PALM2AKAP2: variants seen among roughly 807,000 people sequenced by gnomAD.
PALM2AKAP2 encodes PALM2 and AKAP2 fusion, also known as PALM2-AKAP2 fusion protein.
PALM2AKAP2 carries 37 observed loss-of-function variants against 71.5 expected under a neutral mutation model. The ratio of observed to expected loss-of-function variants is 0.52; its 90% CI spans 0.40 to 0.68. The LOEUF (loss-of-function observed/expected upper bound fraction) is 0.68, where lower values mean the gene tolerates loss of function less well. Ranked by LOEUF, PALM2AKAP2 falls within the 30% of genes least tolerant of loss-of-function variation. PALM2AKAP2 has a pLI of 0.00. For synonymous variants in PALM2AKAP2, 468 were observed against 478.8 expected (o/e 0.98, Z 0.29); for missense variants, 1,224 against 1,191.8 (o/e 1.03, Z -0.40).
At chr9:109,980,959 T>A (rs1382832763) in intron 6 of PALM2AKAP2, among the ~76,000 whole-genome samples, 1 of 152,152 alleles carries the variant, frequency 6.6e-6, no homozygotes, top group East Asian at 1.9e-4. Context: ...CCCAGCTTCG[T>A]GGTTTGTGCC....
At chr9:110,128,615 G>A (rs925881072) in intron 1 of PALM2AKAP2, among the ~76,000 whole-genome samples, 1 of 152,236 alleles carries the variant, frequency 6.6e-6, no homozygotes, top group Non-Finnish European at 1.5e-5. Flanking sequence ...AAACCTGGTT[G>A]TACAGCCTGA....
intron 1 of PALM2AKAP2, among the ~76,000 whole-genome samples, chr9:109,693,171 G>GTTAT (rs955677669): frequency 4.0e-5 from 6 of 151,738 alleles, no homozygotes; most frequent in African/African-American, 1.2e-4. Context: ...AGGCCTATAG[G>GTTAT]TTATTTATTT....
chr9:109,990,421 T>G (rs1832456647), intron 6 of PALM2AKAP2, among the ~76,000 whole-genome samples: 2 of 152,196 alleles, frequency 1.3e-5, no homozygotes, highest in African/African-American at 4.8e-5. Context: ...CAGGCTGCAC[T>G]TCAGTGTGTC....
At chr9:109,657,780 C>T (rs1337949400) in intron 1 of PALM2AKAP2, among the ~76,000 whole-genome samples, 1 of 152,096 alleles carries the variant, frequency 6.6e-6, no homozygotes, top group African/African-American at 2.4e-5. Flanking sequence ...AGAACCTAAG[C>T]TCTCCCTGCT....
At chr9:109,837,495 A>G (rs1425418316) in intron 1 of PALM2AKAP2, among the ~76,000 whole-genome samples, 8 of 152,230 alleles carry the variant, frequency 5.3e-5, no homozygotes, top group Non-Finnish European at 1.0e-4. Flanking sequence ...ACCAGCTAAC[A>G]TCATAATGAC....
intron 6 of PALM2AKAP2, among the ~76,000 whole-genome samples, chr9:109,964,665 T>C (rs1357667585): frequency 6.6e-6 from 1 of 152,204 alleles, no homozygotes; most frequent in African/African-American, 2.4e-5. Flanking sequence ...CACCATCATA[T>C]TGAGCTCTTA....
intron 1 of PALM2AKAP2, among the ~76,000 whole-genome samples, chr9:109,667,928 GTTTTTTTTTT>G (rs1213195298): frequency 1.8e-5 from 1 of 56,614 alleles, no homozygotes; most frequent in Admixed American, 1.4e-4. Context: ...GATGGCTTTG[GTTTTTTTTTT>G]TTTTTTTTTT....
intron 2 of PALM2AKAP2, among the ~76,000 whole-genome samples, chr9:110,153,416 A>G (rs545651753): frequency 6.6e-6 from 1 of 152,312 alleles, no homozygotes; most frequent in African/African-American, 2.4e-5. Flanking sequence ...AAATGACATG[A>G]AGCCTACAAA....
intron 1 of PALM2AKAP2, among the ~76,000 whole-genome samples, chr9:109,685,949 C>A (rs1276370550): frequency 3.3e-5 from 5 of 152,052 alleles, no homozygotes; most frequent in Non-Finnish European, 7.4e-5. Flanking sequence ...ATTCTAAATC[C>A]TTTCTGTGAT....
At chr9:109,774,715 T>C (rs1829325102) in intron 1 of PALM2AKAP2, among the ~76,000 whole-genome samples, 1 of 151,964 alleles carries the variant, frequency 6.6e-6, no homozygotes, top group Non-Finnish European at 1.5e-5. Context: ...GTCATTCACT[T>C]AAGTTGGTCC....
intron 1 of PALM2AKAP2, among the ~76,000 whole-genome samples, chr9:109,718,597 T>C (rs1712977250): frequency 6.6e-6 from 1 of 152,136 alleles, no homozygotes; most frequent in African/African-American, 2.4e-5. Context: ...TTTGGAGTAA[T>C]ACTAGATTTG....
chr9:109,669,963 G>A (rs1450280019), intron 1 of PALM2AKAP2, among the ~76,000 whole-genome samples: 1 of 148,670 alleles, frequency 6.7e-6, no homozygotes, highest in Non-Finnish European at 1.5e-5. Context: ...TTTTTCTTTA[G>A]CTAGCATCTT....
chr9:109,898,263 G>A (rs1028451433), intron 3 of PALM2AKAP2, among the ~76,000 whole-genome samples: 1 of 152,304 alleles, frequency 6.6e-6, no homozygotes, highest in East Asian at 1.9e-4. Flanking sequence ...CAACATCAAG[G>A]TCAAGCTCCC....
chr9:110,105,092 C>A (rs1835084487), intron 1 of PALM2AKAP2, among the ~76,000 whole-genome samples: 1 of 152,182 alleles, frequency 6.6e-6, no homozygotes, highest in South Asian at 2.1e-4. Flanking sequence ...GAGGCTAGAA[C>A]CCCTTTCTAG....
At chr9:109,663,166 G>A (rs1428913544) in intron 1 of PALM2AKAP2, among the ~76,000 whole-genome samples, 1 of 152,054 alleles carries the variant, frequency 6.6e-6, no homozygotes, top group Non-Finnish European at 1.5e-5. Context: ...TTTTTTGAAA[G>A]GTTTTTTGTG....
intron 3 of PALM2AKAP2, among the ~76,000 whole-genome samples, chr9:109,888,773 C>CAG (rs1323585707): frequency 6.7e-6 from 1 of 149,190 alleles, no homozygotes; most frequent in Admixed American, 6.7e-5. Flanking sequence ...CATCCCCCTA[C>CAG]AGCAGAGTTT....
chr9:110,129,473 A>G (rs1355273373), intron 1 of PALM2AKAP2, among the ~76,000 whole-genome samples: 2 of 152,258 alleles, frequency 1.3e-5, no homozygotes, highest in Non-Finnish European at 2.9e-5. Context: ...CTTACTAGGC[A>G]GGTGATCTTG....
intron 1 of PALM2AKAP2, among the ~76,000 whole-genome samples, chr9:109,783,909 C>A (rs982783855): frequency 6.6e-6 from 1 of 152,224 alleles, no homozygotes; most frequent in Non-Finnish European, 1.5e-5. Flanking sequence ...TATCCGCCCC[C>A]ACCAACAAAA....
At chr9:110,036,483 C>T (rs1481666330) in intron 7 of PALM2AKAP2, among the ~76,000 whole-genome samples, 1 of 152,122 alleles carries the variant, frequency 6.6e-6, no homozygotes, top group Non-Finnish European at 1.5e-5. Context: ...CCACCATTAC[C>T]ATTCTGCTTT....
Sources: gnomAD v4.1 joint callset for allele counts (sites outside exome capture counted in the v4.1 genomes callset) on GRCh38, gnomAD v4.1.1 for gene constraint, MANE v1.5 for transcripts, NCBI Gene and HGNC (gene_info 2026-07-23, HGNC 2026-07-21) for gene names.